The following PAX5 variants were observed in gnomAD, a reference collection of about 807,000 sequenced individuals.
PAX5 encodes the protein paired box 5, also known as paired box protein Pax-5.
In PAX5, 9 loss-of-function variants were observed where a neutral mutation model predicts 43.7. That is an observed-to-expected ratio of 0.21 (90% CI 0.12 to 0.36). The LOEUF (loss-of-function observed/expected upper bound fraction) is 0.36, where lower values mean the gene tolerates loss of function less well. Ranked by LOEUF, PAX5 falls within the 10% of genes least tolerant of loss-of-function variation. The pLI, the probability that PAX5 is intolerant of heterozygous loss-of-function variation, is 1.00. For missense variants in PAX5, 383 were observed against 532.7 expected, an observed-to-expected ratio of 0.72 and a Z score of 2.77; for synonymous variants, 228 against 214.3, an observed-to-expected ratio of 1.06 and a Z score of -0.56.
chr9:37,020,170 T>G (rs948934429), intron 2 of PAX5, among the ~76,000 whole-genome samples: 1 of 151,232 alleles, frequency 6.6e-6, no homozygotes, highest in African/African-American at 2.4e-5. Context: ...AATAAAAACA[T>G]AGAGAAGGAA....
At chr9:37,017,902 C>T (rs1396678227) in intron 2 of PAX5, among the ~76,000 whole-genome samples, 1 of 152,258 alleles carries the variant, frequency 6.6e-6, no homozygotes, top group Non-Finnish European at 1.5e-5. Context: ...GATTTAATAA[C>T]TATCCTTTCA....
At chr9:37,012,194 C>A (rs1370830918) in intron 3 of PAX5, among the ~76,000 whole-genome samples, 1 of 152,166 alleles carries the variant, frequency 6.6e-6, no homozygotes, top group Non-Finnish European at 1.5e-5. Context: ...CCGCGAGGAT[C>A]TGAAATGCAG....
intron 8 of PAX5, among the ~76,000 whole-genome samples, chr9:36,875,826 G>A (rs1003003555): frequency 4.6e-5 from 7 of 152,128 alleles, no homozygotes; most frequent in African/African-American, 1.7e-4. Flanking sequence ...AACAAGCTAG[G>A]ACAAGAAAGC....
intron 7 of PAX5, 100 bp downstream of exon 7, chr9:36,923,255 C>A: frequency 6.9e-7 from 1 of 1,452,326 alleles, no homozygotes. Context: ...ACAAAATTGG[C>A]CAATCACATC....
At chr9:36,841,974 A>C (rs1822099178) in intron 9 of PAX5, among the ~76,000 whole-genome samples, 1 of 152,078 alleles carries the variant, frequency 6.6e-6, no homozygotes, top group Non-Finnish European at 1.5e-5. Context: ...TAGGGGTGAC[A>C]CTTTGGGATG....
intron 6 of PAX5, among the ~76,000 whole-genome samples, chr9:36,956,130 C>A (rs1486138768): frequency 2.0e-5 from 3 of 152,100 alleles, no homozygotes; most frequent in Admixed American, 1.3e-4. Flanking sequence ...AAAGTCAATT[C>A]TCACACAGTA....
rs1279364921 is a variant in PAX5, at chr9:36,909,291, C to T, written c.910+14064G>A. On this transcript the variant is annotated intron_variant, in intron 7 of 9. Coordinates refer to ENST00000358127, the MANE Select transcript of PAX5 (RefSeq NM_016734.3). ...AGTTTTCACTCTGCAGCCACTGCTA[C>T]TGCAAAGGGCCCACAACATTGAGTC... Among the ~76,000 whole-genome samples, 4 of 152,246 alleles carry T rather than the reference C, an allele frequency of 2.6e-5. No individual in the cohort carries two copies. In the East Asian group the frequency reaches 5.8e-4, roughly 22 times the overall value.
intron 7 of PAX5, among the ~76,000 whole-genome samples, chr9:36,910,088 T>G (rs1192731600): frequency 1.3e-5 from 2 of 152,202 alleles, no homozygotes; most frequent in Admixed American, 6.5e-5. Flanking sequence ...TTAAATCTCC[T>G]GATTTTTAAG....
At chr9:36,910,183 T>C (rs548257643) in intron 7 of PAX5, among the ~76,000 whole-genome samples, 73 of 152,354 alleles carry the variant, frequency 4.8e-4, no homozygotes, top group African/African-American at 1.7e-3. Flanking sequence ...GTAAAAAGTG[T>C]TCTCCCCACA....
intron 5 of PAX5, among the ~76,000 whole-genome samples, chr9:36,988,481 C>T (rs997297079): frequency 4.6e-5 from 7 of 151,898 alleles, no homozygotes; most frequent in African/African-American, 1.2e-4. Context: ...GGCAACAAAG[C>T]GAGATCTTGT....
intron 1 of PAX5, among the ~76,000 whole-genome samples, chr9:37,026,344 G>T (rs939725278): frequency 4.6e-5 from 7 of 152,276 alleles, no homozygotes; most frequent in African/African-American, 1.7e-4. Context: ...GGGATTCCCA[G>T]GTGCCTCAGC....
chr9:36,910,648 C>A (rs1424719432), intron 7 of PAX5, among the ~76,000 whole-genome samples: 4 of 152,176 alleles, frequency 2.6e-5, no homozygotes, highest in Non-Finnish European at 5.9e-5. Flanking sequence ...TTTGTAGATA[C>A]CTCAGCTTCT....
intron 6 of PAX5, among the ~76,000 whole-genome samples, chr9:36,933,338 G>A (rs528687257): frequency 1.3e-5 from 2 of 152,256 alleles, no homozygotes; most frequent in South Asian, 4.2e-4. Context: ...TCTTCCTGGT[G>A]CCCTGCCCTG....
intron 7 of PAX5, among the ~76,000 whole-genome samples, chr9:36,912,511 T>C (rs543920164): frequency 4.6e-5 from 7 of 152,328 alleles, no homozygotes; most frequent in Admixed American, 3.3e-4. Flanking sequence ...AAATTTGAAC[T>C]GGGATTTTTT....
chr9:36,914,959 C>A (rs1217942540), intron 7 of PAX5, among the ~76,000 whole-genome samples: 1 of 152,182 alleles, frequency 6.6e-6, no homozygotes, highest in South Asian at 2.1e-4. Context: ...ATCTTAGACA[C>A]TTATTTACAT....
chr9:36,961,431 C>T (rs368721336), intron 6 of PAX5, among the ~76,000 whole-genome samples: 19 of 152,352 alleles, frequency 1.2e-4, no homozygotes, highest in African/African-American at 4.6e-4. Context: ...AGGGCCCTGG[C>T]CCGTTCCATT....
In PAX5 at chr9:36,835,294, C is replaced by T. The variant is rs534608126; in HGVS notation, c.*5266G>A. On this transcript the variant is annotated 3_prime_UTR_variant, in exon 10 of 10. Coordinates refer to ENST00000358127, the MANE Select transcript of PAX5 (RefSeq NM_016734.3). ...CCTTCAATCCTGGGGTGCCCAGGAA[C>T]GGAGCCTCAGTGCTGAGGAATTACC... The T allele has an allele frequency of 3.4e-5, 8 of 232,890 alleles. No homozygotes were observed. Among genetic ancestry groups the T allele is most frequent in the Non-Finnish European group, 5.1e-5 (6 of 117,878 alleles). 14.4% of individuals were successfully genotyped at this position (232,890 alleles called of 1,614,324 possible). A position where few individuals can be genotyped will look rare whatever the true frequency, so the allele number is the denominator to read the frequency against.
intron 1 of PAX5, among the ~76,000 whole-genome samples, chr9:37,027,442 G>T (rs915078350): frequency 3.3e-5 from 5 of 152,226 alleles, no homozygotes; most frequent in Non-Finnish European, 7.4e-5. Flanking sequence ...CTCCCTCGTG[G>T]GTCTGATTCC....
At chr9:36,950,425 G>C (rs1216199264) in intron 6 of PAX5, among the ~76,000 whole-genome samples, 2 of 152,174 alleles carry the variant, frequency 1.3e-5, no homozygotes, top group Non-Finnish European at 2.9e-5. Context: ...CTCAGAGCTG[G>C]AAGGGACCCT....
Sources: allele counts gnomAD v4.1 joint callset (sites outside exome capture counted in the v4.1 genomes callset), GRCh38; gene constraint gnomAD v4.1.1; transcripts MANE v1.5; gene names NCBI Gene and HGNC (gene_info 2026-07-23, HGNC 2026-07-21).